The following RERE variants were observed in gnomAD, a reference collection of about 807,000 sequenced individuals.
RERE encodes the protein arginine-glutamic acid dipeptide repeats protein.
Under a neutral mutation model 146.1 loss-of-function variants are expected in RERE, and 40 were observed. The ratio of observed to expected loss-of-function variants is 0.27; its 90% CI spans 0.21 to 0.36. The LOEUF (loss-of-function observed/expected upper bound fraction) is 0.36, where lower values mean the gene tolerates loss of function less well. Among genes scored for constraint, RERE ranks in the 10% least tolerant of loss-of-function variants. The probability of loss-of-function intolerance (pLI) is 1.00; values close to 1 mark genes in which losing one functional copy is unlikely to be tolerated. For synonymous variants in RERE, 1,003 were observed against 866.0 expected, an observed-to-expected ratio of 1.16 and a Z score of -2.78; for missense variants, 1,933 against 2,138.7, an observed-to-expected ratio of 0.90 and a Z score of 1.90.
intron 10 of RERE, among the ~76,000 whole-genome samples, chr1:8,470,544 C>T (rs1052745063): frequency 2.6e-5 from 4 of 152,124 alleles, no homozygotes; most frequent in South Asian, 2.1e-4. Context: ...TGAGTCACCA[C>T]GCCCAGCCCC....
At chr1:8,473,631 T>C (rs1448539549) in intron 10 of RERE, among the ~76,000 whole-genome samples, 3 of 152,184 alleles carry the variant, frequency 2.0e-5, no homozygotes, top group Non-Finnish European at 2.9e-5. Flanking sequence ...AATTAACAAC[T>C]AGTCAATACC....
At chr1:8,539,241 A>G (rs1645766715) in intron 7 of RERE, among the ~76,000 whole-genome samples, 1 of 152,218 alleles carries the variant, frequency 6.6e-6, no homozygotes, top group Non-Finnish European at 1.5e-5. Context: ...CAACAGGAAG[A>G]CATGAGAAGG....
At chr1:8,650,951 G>A (rs1647597264) in intron 2 of RERE, among the ~76,000 whole-genome samples, 1 of 151,210 alleles carries the variant, frequency 6.6e-6, no homozygotes. Context: ...AAATAAATTA[G>A]CTGGGTGTAG....
At chr1:8,473,313 A>G (rs1206729901) in intron 10 of RERE, among the ~76,000 whole-genome samples, 1 of 152,126 alleles carries the variant, frequency 6.6e-6, no homozygotes, top group Non-Finnish European at 1.5e-5. Flanking sequence ...CAGGCTGCTC[A>G]CACCATACTC....
At chr1:8,495,887 A>G (rs1458465346) in intron 9 of RERE, among the ~76,000 whole-genome samples, 1 of 152,142 alleles carries the variant, frequency 6.6e-6, no homozygotes, top group African/African-American at 2.4e-5. Flanking sequence ...AAAAGTAAAA[A>G]ATCATGGCTG....
At chr1:8,550,634 C>T (rs1467462905) in intron 6 of RERE, among the ~76,000 whole-genome samples, 1 of 152,158 alleles carries the variant, frequency 6.6e-6, no homozygotes, top group Non-Finnish European at 1.5e-5. Flanking sequence ...GCAACCTCTG[C>T]CTCCCAGGTT....
chr1:8,381,014 T>C (rs1033883798), intron 12 of RERE: 4 of 456,584 alleles, frequency 8.8e-6, no homozygotes, highest in African/African-American at 4.0e-5. Flanking sequence ...CAGGATCTCC[T>C]TGGGTGCAGA....
intron 10 of RERE, among the ~76,000 whole-genome samples, chr1:8,473,355 C>T (rs765781122): frequency 2.6e-5 from 4 of 152,168 alleles, no homozygotes; most frequent in Non-Finnish European, 4.4e-5. Flanking sequence ...CCAAGAGGTA[C>T]CAAGCAACTC....
chr1:8,487,889 T>C (rs1464454814), intron 10 of RERE, among the ~76,000 whole-genome samples: 1 of 151,516 alleles, frequency 6.6e-6, no homozygotes, highest in Non-Finnish European at 1.5e-5. Context: ...AGGAAATACT[T>C]AGGAGTAAAT....
chr1:8,523,969 A>G (rs1042124886), intron 7 of RERE, among the ~76,000 whole-genome samples: 1 of 152,232 alleles, frequency 6.6e-6, no homozygotes, highest in Non-Finnish European at 1.5e-5. Flanking sequence ...GACTCAAACA[A>G]TGAGTTTGTT....
At chr1:8,486,885 C>G (rs941376068) in intron 10 of RERE, among the ~76,000 whole-genome samples, 4 of 151,828 alleles carry the variant, frequency 2.6e-5, no homozygotes, top group African/African-American at 9.7e-5. Context: ...TCATAAACAT[C>G]TTAAGAAAAC....
chr1:8,362,666 T>TC lies in RERE; in HGVS notation c.1902+16dup. 6.2e-7 allele frequency: 1 copy of TC among 1,614,004 alleles called. No individual in the cohort carries two copies. Among genetic ancestry groups the TC allele is most frequent in the South Asian group, 1.1e-5 (1 of 91,072 alleles). ...GGGAGGGACAGAGTAGGCCCTACTA[T>TC]CCCCCCAGCACCTGACCTTGGCCGA... On this transcript the variant is annotated intron_variant, in intron 16 of 22. Transcript: ENST00000400908.
chr1:8,568,117 T>C (rs945027524), intron 4 of RERE, among the ~76,000 whole-genome samples: 1 of 152,084 alleles, frequency 6.6e-6, no homozygotes, highest in African/African-American at 2.4e-5. Context: ...TCTAATCGGC[T>C]GGGGTCCAGA....
intron 1 of RERE, among the ~76,000 whole-genome samples, chr1:8,686,542 GAGTT>G (rs1639089824): frequency 6.6e-6 from 1 of 152,160 alleles, no homozygotes; most frequent in Non-Finnish European, 1.5e-5. Flanking sequence ...CTGAGGTCAG[GAGTT>G]CAAGACCAGC....
At chr1:8,570,567 A>T (rs1189655766) in intron 4 of RERE, among the ~76,000 whole-genome samples, 3 of 152,186 alleles carry the variant, frequency 2.0e-5, no homozygotes, top group Admixed American at 2.0e-4. Context: ...TTCTGTATTC[A>T]ATCTGTTGAG....
intron 1 of RERE, chr1:8,786,566 G>A: frequency 1.3e-6 from 1 of 773,898 alleles, no homozygotes; most frequent in Admixed American, 1.7e-5. Context: ...GCCTTGTTGA[G>A]CTTCACAAAG....
At chr1:8,508,571 C>T in intron 8 of RERE, 56 bp downstream of exon 8, 1 of 1,279,448 alleles carries the variant, frequency 7.8e-7, no homozygotes, top group Non-Finnish European at 1.1e-6. Flanking sequence ...AATAAAGTGC[C>T]AGCAGAGTAA....
intron 6 of RERE, among the ~76,000 whole-genome samples, chr1:8,548,681 A>G (rs1365608728): frequency 1.3e-5 from 2 of 152,222 alleles, no homozygotes; most frequent in Non-Finnish European, 2.9e-5. Flanking sequence ...TAAATAACGG[A>G]AAGTGAAGAA....
rs1641785360 is a variant in RERE at position 8,365,841 on chromosome 1, G to A, written c.1418C>T (p.Thr473Ile). 2 of 1,614,228 alleles carry A rather than the reference G, an allele frequency of 1.2e-6. No individual in the cohort carries two copies. The highest frequency in any genetic ancestry group is 1.7e-4 in the Middle Eastern group (1 of 6,060). ...KTRTASTPVN[T>I]PSRPPSSEFL... ...TTCACTGGACGGGGGTCTGGAGGGT[G>A]TGTTGACGGGTGTGGACGCGGTGCG... Residue 473 changes from threonine (T) to isoleucine (I), a missense_variant, in exon 13 of 23, where the codon ACA becomes ATA. This residue lies in a region of RERE where 260 missense variants were observed against 378.4 expected (regional missense o/e 0.69). Transcript: ENST00000400908.
Sources: gnomAD v4.1 joint callset for allele counts (sites outside exome capture counted in the v4.1 genomes callset) on GRCh38, gnomAD v4.1.1 for gene constraint, gnomAD v4.1.1 regional missense constraint, MANE v1.5 for transcripts, NCBI Gene and HGNC (gene_info 2026-07-23, HGNC 2026-07-21) for gene names.